Variants in CNTN4 observed in about 807,000 individuals in gnomAD.
CNTN4 encodes the protein contactin-4.
In CNTN4, 77 loss-of-function variants were observed where a neutral mutation model predicts 122.5. That is an observed-to-expected ratio of 0.63 (90% CI 0.52 to 0.76). The LOEUF (loss-of-function observed/expected upper bound fraction) is 0.76, where lower values mean the gene tolerates loss of function less well. Among genes scored for constraint, CNTN4 ranks in the 30% least tolerant of loss-of-function variants. CNTN4 has a pLI of 0.00. For missense variants in CNTN4, 1,256 were observed against 1,259.1 expected, an observed-to-expected ratio of 1.00 and a Z score of 0.04; for synonymous variants, 512 against 447.0, an observed-to-expected ratio of 1.15 and a Z score of -1.83.
intron 2 of CNTN4, among the ~76,000 whole-genome samples, chr3:2,205,243 A>G (rs2038285250): frequency 6.6e-6 from 1 of 150,520 alleles, no homozygotes; most frequent in South Asian, 2.1e-4. Flanking sequence ...AAGTTTTTTT[A>G]TTTCTAAATA....
chr3:2,225,160 C>CA (rs1553604629), intron 2 of CNTN4, among the ~76,000 whole-genome samples: 4 of 149,140 alleles, frequency 2.7e-5, no homozygotes, highest in African/African-American at 1.0e-4. Flanking sequence ...CCACCACCCC[C>CA]AAAAAAAAAG....
chr3:2,149,198 T>C (rs548113434), intron 2 of CNTN4, among the ~76,000 whole-genome samples: 2 of 152,316 alleles, frequency 1.3e-5, no homozygotes, highest in South Asian at 4.1e-4. Context: ...GTCTGCCTTC[T>C]GGTGGCCTTC....
chr3:2,821,683 T>C (rs1398555143), intron 7 of CNTN4, among the ~76,000 whole-genome samples: 1 of 152,164 alleles, frequency 6.6e-6, no homozygotes, highest in East Asian at 1.9e-4. Context: ...AAAAGGCAAA[T>C]ATAACTGCAC....
At chr3:2,412,076 C>A (rs761363837) in intron 3 of CNTN4, among the ~76,000 whole-genome samples, 2 of 152,050 alleles carry the variant, frequency 1.3e-5, no homozygotes, top group Non-Finnish European at 2.9e-5. Context: ...TCCAAAAGTA[C>A]GTACTGTTTT....
At chr3:3,014,716 C>T (rs1032995180) in intron 14 of CNTN4, among the ~76,000 whole-genome samples, 6 of 151,554 alleles carry the variant, frequency 4.0e-5, no homozygotes, top group African/African-American at 1.5e-4. Flanking sequence ...TTCTTTCCAC[C>T]TCCATTACCC....
intron 3 of CNTN4, chr3:2,362,579 G>C (rs1255812286): frequency 3.6e-6 from 2 of 553,098 alleles, no homozygotes; most frequent in Non-Finnish European, 7.0e-6. Context: ...GAAGACAGCA[G>C]CTTCTTGGAC....
chr3:2,141,574 C>T (rs1188778676), intron 2 of CNTN4, among the ~76,000 whole-genome samples: 1 of 152,114 alleles, frequency 6.6e-6, no homozygotes. Flanking sequence ...TAAATTACTA[C>T]ATTTGTGGCA....
chr3:2,473,629 A>G (rs948816100), intron 3 of CNTN4, among the ~76,000 whole-genome samples: 1 of 152,202 alleles, frequency 6.6e-6, no homozygotes, highest in African/African-American at 2.4e-5. Context: ...CTGTCATTGC[A>G]GAAAGTTCAG....
intron 13 of CNTN4, among the ~76,000 whole-genome samples, chr3:2,949,372 A>T (rs563062884): frequency 1.3e-5 from 2 of 152,310 alleles, no homozygotes; most frequent in South Asian, 4.2e-4. Flanking sequence ...GATATTATGA[A>T]GTTTGTTTTT....
chr3:2,297,453 TGA>T (rs1372645299), intron 2 of CNTN4, among the ~76,000 whole-genome samples: 1 of 152,192 alleles, frequency 6.6e-6, no homozygotes, highest in Admixed American at 6.5e-5. Flanking sequence ...TTGAAAACAG[TGA>T]GATAAGATAA....
chr3:2,621,815 C>G (rs1055964061), intron 4 of CNTN4, among the ~76,000 whole-genome samples: 4 of 151,976 alleles, frequency 2.6e-5, no homozygotes, highest in South Asian at 2.1e-4. Context: ...TTGTGAGACT[C>G]TCAAGCAGGT....
chr3:2,234,127 A>C lies in CNTN4; in HGVS notation c.-144-105051A>C, dbSNP rs2039589853. Among the ~76,000 whole-genome samples, 3 of 152,018 alleles carry C rather than the reference A, an allele frequency of 2.0e-5. No homozygotes were observed. In the South Asian group the frequency reaches 6.2e-4, roughly 32 times the overall value. On this transcript the variant is annotated intron_variant, in intron 2 of 24. Transcript: ENST00000418658. The stretch of plus-strand genomic sequence containing the variant: ...AACCAGTAATGGATATGCATTTAAG[A>C]AATTTTCTTGGGAGGCCAAGGCGAG...
At chr3:2,994,406 G>A (rs182422978) in intron 14 of CNTN4, among the ~76,000 whole-genome samples, 1 of 152,100 alleles carries the variant, frequency 6.6e-6, no homozygotes, top group East Asian at 1.9e-4. Context: ...GAAGTCTTTA[G>A]TGGAAATTGA....
At chr3:2,616,719 C>T (rs1404104705) in intron 4 of CNTN4, among the ~76,000 whole-genome samples, 3 of 152,148 alleles carry the variant, frequency 2.0e-5, no homozygotes, top group East Asian at 1.9e-4. Flanking sequence ...CTGGAGGCAT[C>T]GTGCTCCCTG....
chr3:2,305,624 C>T (rs1190109797), intron 2 of CNTN4, among the ~76,000 whole-genome samples: 1 of 152,056 alleles, frequency 6.6e-6, no homozygotes, highest in African/African-American at 2.4e-5. Flanking sequence ...TGTGAATCTT[C>T]TTTTTTTCTA....
intron 12 of CNTN4, among the ~76,000 whole-genome samples, chr3:2,916,939 G>T (rs971448079): frequency 6.9e-6 from 1 of 145,678 alleles, no homozygotes; most frequent in Non-Finnish European, 1.5e-5. Flanking sequence ...ACTTTGGGAG[G>T]CCAAGGCAGG....
At position 2,609,299 on chromosome 3, in the gene CNTN4, C is replaced by G. The variant is rs900755782; in HGVS notation, c.55+37741C>G. On this transcript the variant is annotated intron_variant, in intron 4 of 24. Coordinates refer to ENST00000418658, the MANE Select transcript of CNTN4 (RefSeq NM_175607.3). ...GGCTGGAGGAAACTAGCTTAGGACC[C>G]TTTGCCCTTCTGCCTTCACCATGTG... Among the ~76,000 whole-genome samples, 7 of 152,322 alleles carry G rather than the reference C, an allele frequency of 4.6e-5. No individual in the cohort carries two copies. The South Asian group carries it at 6.2e-4, about 14-fold the overall frequency.
At chr3:2,102,184 A>C (rs1244545531) in intron 2 of CNTN4, among the ~76,000 whole-genome samples, 1 of 152,178 alleles carries the variant, frequency 6.6e-6, no homozygotes, top group Non-Finnish European at 1.5e-5. Context: ...CCAAGGAGTA[A>C]ATGAGGGAGG....
At chr3:2,634,647 G>A (rs528199015) in intron 4 of CNTN4, among the ~76,000 whole-genome samples, 4 of 148,146 alleles carry the variant, frequency 2.7e-5, no homozygotes, top group South Asian at 2.1e-4. Flanking sequence ...TGGCTAACAC[G>A]GTGAAACCCC....
Sources: gnomAD v4.1 joint callset for allele counts (sites outside exome capture counted in the v4.1 genomes callset) on GRCh38, gnomAD v4.1.1 for gene constraint, MANE v1.5 for transcripts, NCBI Gene and HGNC (gene_info 2026-07-23, HGNC 2026-07-21) for gene names.